USP15: variants seen among roughly 807,000 people sequenced by gnomAD.
USP15 encodes ubiquitin specific peptidase 15, also known as ubiquitin carboxyl-terminal hydrolase 15.
In USP15, 18 loss-of-function variants were observed where a neutral mutation model predicts 127.1. The observed-to-expected ratio is 0.14, with a 90% CI of 0.10 to 0.21. USP15 has a LOEUF of 0.21. Among genes scored for constraint, USP15 ranks in the 10% least tolerant of loss-of-function variants. The pLI, the probability that USP15 is intolerant of heterozygous loss-of-function variation, is 1.00. For synonymous variants in USP15, 364 were observed against 393.7 expected, an observed-to-expected ratio of 0.92 and a Z score of 0.89; for missense variants, 805 against 1,159.9, an observed-to-expected ratio of 0.69 and a Z score of 4.44.
chr12:62,303,821 T>G (rs1353216354), intron 3 of USP15, among the ~76,000 whole-genome samples: 5 of 152,210 alleles, frequency 3.3e-5, no homozygotes, highest in African/African-American at 1.2e-4. Context: ...ATGTACCTTT[T>G]ATTTATTTTT....
intron 6 of USP15, among the ~76,000 whole-genome samples, chr12:62,345,485 T>C (rs955013877): frequency 3.9e-5 from 6 of 152,190 alleles, no homozygotes; most frequent in Non-Finnish European, 8.8e-5. Flanking sequence ...GTCTCCTGAG[T>C]CCTCCAAGTC....
chr12:62,308,514 G>A (rs918886651), intron 3 of USP15, among the ~76,000 whole-genome samples: 10 of 152,034 alleles, frequency 6.6e-5, no homozygotes, highest in Non-Finnish European at 1.2e-4. Flanking sequence ...CCCTCCCCTC[G>A]GATCACTCAC....
At chr12:62,328,241 C>T (rs1000416066) in intron 6 of USP15, 2 of 435,046 alleles carry the variant, frequency 4.6e-6, no homozygotes, top group Admixed American at 2.7e-5. Context: ...TTATAAAAAG[C>T]AGTTGTTTTT....
chr12:62,345,962 G>T (rs118027656), intron 6 of USP15, among the ~76,000 whole-genome samples: 358 of 152,236 alleles, frequency 2.4e-3, no homozygotes, highest in Non-Finnish European at 4.1e-3. Context: ...CAACACCAGA[G>T]GATTATGAAA....
At chr12:62,265,644 T>C (rs2063174851) in intron 1 of USP15, among the ~76,000 whole-genome samples, 1 of 152,192 alleles carries the variant, frequency 6.6e-6, no homozygotes, top group Non-Finnish European at 1.5e-5. Flanking sequence ...ACTCCTTGGC[T>C]CAAGCAATTT....
Position 62,312,918 on chromosome 12 carries a change from C to G in USP15, c.349-1872C>G, listed in dbSNP as rs2064725412. ...CATTACACATTGATTCGTAAATGTG[C>G]TAATTATTTTTCTTTTTATGGTGCT... On this transcript the variant is annotated intron_variant, in intron 3 of 21. Coordinates refer to ENST00000280377, the MANE Select transcript of USP15 (RefSeq NM_001252078.2). 2.6e-5 allele frequency among the ~76,000 whole-genome samples: 4 copies of G among 151,482 alleles called. No individual in the cohort carries two copies. The South Asian group carries it at 8.3e-4, about 31-fold the overall frequency.
At chr12:62,307,802 G>A (rs2064529718) in intron 3 of USP15, among the ~76,000 whole-genome samples, 1 of 151,942 alleles carries the variant, frequency 6.6e-6, no homozygotes, top group Non-Finnish European at 1.5e-5. Context: ...TTGTTGAAGG[G>A]CATTAGTAGC....
chr12:62,315,073 ATTG>A (rs1327058351), intron 4 of USP15, 157 bp downstream of exon 4: 23 of 698,360 alleles, frequency 3.3e-5, no homozygotes, highest in Non-Finnish European at 4.2e-5. Flanking sequence ...TAAATTATTT[ATTG>A]TTTCTTGTAT....
In USP15 at chr12:62,384,086, C is replaced by G. The variant is rs150210471; in HGVS notation, c.1257C>G (p.Ala419=). 6.2e-7 allele frequency: 1 copy of G among 1,611,742 alleles called. No homozygotes were observed. Among genetic ancestry groups the G allele is most frequent in the Non-Finnish European group, 8.5e-7 (1 of 1,179,068 alleles). Reference sequence around the variant, plus strand: ...GTCTATTATCCTTGTAGGTGGTTGCCGAAGAAGCCTGGGAAAACCATTTAA... The same window carrying G: ...GTCTATTATCCTTGTAGGTGGTTGCGGAAGAAGCCTGGGAAAACCATTTAA... ...DADGRPDKVV[A]EEAWENHLKR... Residue 419 remains alanine (A), a synonymous_variant, in exon 11 of 22, where the codon GCC becomes GCG. Coordinates refer to ENST00000280377, the MANE Select transcript of USP15 (RefSeq NM_001252078.2).
At chr12:62,288,883 A>G (rs1428330144) in intron 1 of USP15, among the ~76,000 whole-genome samples, 1 of 152,054 alleles carries the variant, frequency 6.6e-6, no homozygotes, top group African/African-American at 2.4e-5. Context: ...TTAGGTGGTG[A>G]ATTGCATTTA....
At chr12:62,321,435 A>G in intron 4 of USP15, 29 bp from the exon 5 acceptor site, 1 of 1,416,296 alleles carries the variant, frequency 7.1e-7, no homozygotes, top group African/African-American at 1.5e-5. Flanking sequence ...TACATACTAT[A>G]TTTATATATC....
chr12:62,279,171 CA>C, intron 1 of USP15: 1 of 152,234 alleles, frequency 6.6e-6, no homozygotes, highest in South Asian at 2.1e-4. Flanking sequence ...TTCCTTTCCC[CA>C]GCCCCTGGCA....
chr12:62,265,161 T>TC (rs1179865764), intron 1 of USP15, among the ~76,000 whole-genome samples: 2 of 152,204 alleles, frequency 1.3e-5, no homozygotes, highest in East Asian at 3.8e-4. Flanking sequence ...TTTTGTGAAA[T>TC]TAAGGCTTTT....
At chr12:62,383,544 T>C (rs1000825960) in intron 9 of USP15, among the ~76,000 whole-genome samples, 1 of 151,908 alleles carries the variant, frequency 6.6e-6, no homozygotes, top group East Asian at 1.9e-4. Context: ...TGAAAAAACA[T>C]AACACTAAAT....
intron 7 of USP15, among the ~76,000 whole-genome samples, chr12:62,349,775 A>C (rs1455773730): frequency 6.6e-6 from 1 of 152,056 alleles, no homozygotes. Context: ...TTGCCAAATA[A>C]AATTTAGAAT....
chr12:62,317,371 G>C (rs1257132069), intron 4 of USP15, among the ~76,000 whole-genome samples: 1 of 152,148 alleles, frequency 6.6e-6, no homozygotes. Flanking sequence ...CTGAGATTTA[G>C]AATCTACTTC....
intron 21 of USP15, among the ~76,000 whole-genome samples, chr12:62,403,503 C>T (rs2067761591): frequency 6.6e-6 from 1 of 152,000 alleles, no homozygotes; most frequent in African/African-American, 2.4e-5. Context: ...GTTATTGACC[C>T]TGCTGAAAGC....
rs181709174 is a variant in USP15, at chr12:62,312,182, T to A, written c.349-2608T>A. 5 of 163,968 alleles carry A rather than the reference T, an allele frequency of 3.0e-5. No individual in the cohort carries two copies. In the East Asian group the frequency reaches 8.9e-4, roughly 29 times the overall value. The allele number at this position is 163,968 out of a possible 1,614,324, so 10.2% of individuals were successfully genotyped here. ...TGCTTTTAAAATGAATGAAGCTAGC[T>A]CTACAAAAGAGTAAGTCAGTCTGTT... is the stretch of plus-strand genomic sequence containing the variant. On this transcript the variant is annotated intron_variant, in intron 3 of 21. Coordinates refer to ENST00000280377, the MANE Select transcript of USP15 (RefSeq NM_001252078.2).
intron 2 of USP15, among the ~76,000 whole-genome samples, chr12:62,301,870 A>G (rs985539712): frequency 2.6e-4 from 39 of 152,098 alleles, no homozygotes; most frequent in African/African-American, 8.9e-4. Context: ...GACAAGAAAA[A>G]TCTCCATTAA....
Sources: allele counts gnomAD v4.1 joint callset (sites outside exome capture counted in the v4.1 genomes callset), GRCh38; gene constraint gnomAD v4.1.1; transcripts MANE v1.5; gene names NCBI Gene and HGNC (gene_info 2026-07-23, HGNC 2026-07-21).